The following PCDH17 variants were observed in gnomAD, a reference collection of about 807,000 sequenced individuals.
The protein encoded by PCDH17 is protocadherin-17.
In PCDH17, 21 loss-of-function variants were observed where a neutral mutation model predicts 67.7. The ratio of observed to expected loss-of-function variants is 0.31; its 90% CI spans 0.22 to 0.45. The LOEUF is 0.45. Among genes scored for constraint, PCDH17 ranks in the 20% least tolerant of loss-of-function variants. The pLI, the probability that PCDH17 is intolerant of heterozygous loss-of-function variation, is 1.00. For missense variants in PCDH17, 1,471 were observed against 1,564.8 expected, an observed-to-expected ratio of 0.94 and a Z score of 1.01; for synonymous variants, 701 against 656.7, an observed-to-expected ratio of 1.07 and a Z score of -1.03.
intron 3 of PCDH17, among the ~76,000 whole-genome samples, chr13:57,680,098 A>G (rs865989521): frequency 6.6e-6 from 1 of 151,144 alleles, no homozygotes; most frequent in Admixed American, 6.6e-5. Flanking sequence ...TCAACTCTCT[A>G]TTGATCTATC....
rs141497852 is a variant in PCDH17 at position 57,678,025 on chromosome 13, T to C, written c.2797+11192T>C. Among the ~76,000 whole-genome samples, 505 of 151,838 alleles carry C rather than the reference T, an allele frequency of 3.3e-3. 2 individuals are homozygous for C. The highest frequency in any genetic ancestry group is 0.012 in the African/African-American group (480 of 41,496). On this transcript the variant is annotated intron_variant, in intron 3 of 3. Transcript: ENST00000377918. ...CTATGGTTAAAGATGATATGTTGTTTTCTTGAAGAATGCAGAGACTGTGGA... is the reference window on the plus strand; with the variant it reads ...CTATGGTTAAAGATGATATGTTGTTCTCTTGAAGAATGCAGAGACTGTGGA...
intron 1 of PCDH17, among the ~76,000 whole-genome samples, chr13:57,660,387 AG>A (rs1023321279): frequency 6.6e-6 from 1 of 152,246 alleles, no homozygotes; most frequent in African/African-American, 2.4e-5. Flanking sequence ...AAATTGGCTC[AG>A]TATCATTTTA....
chr13:57,708,761 TA>T (rs1173511517), intron 3 of PCDH17, among the ~76,000 whole-genome samples: 8 of 151,976 alleles, frequency 5.3e-5, no homozygotes, highest in Non-Finnish European at 1.0e-4. Context: ...AGATGTTGAA[TA>T]AAGGTTGAAT....
intron 3 of PCDH17, among the ~76,000 whole-genome samples, chr13:57,691,620 G>C (rs907834290): frequency 1.3e-5 from 2 of 151,162 alleles, no homozygotes; most frequent in Non-Finnish European, 3.0e-5. Flanking sequence ...GGTACTCATA[G>C]ATGTAGTATG....
intron 3 of PCDH17, among the ~76,000 whole-genome samples, chr13:57,706,972 T>C (rs1352732831): frequency 6.6e-6 from 1 of 152,112 alleles, no homozygotes; most frequent in Non-Finnish European, 1.5e-5. Context: ...TTTTCTCAAT[T>C]TTCATTTTCT....
At chr13:57,669,006 A>T (rs533225137) in intron 3 of PCDH17, among the ~76,000 whole-genome samples, 11 of 151,390 alleles carry the variant, frequency 7.3e-5, no homozygotes, top group African/African-American at 2.7e-4. Flanking sequence ...CCCACCCCAC[A>T]ACAGGCCCCG....
intron 1 of PCDH17, among the ~76,000 whole-genome samples, chr13:57,646,290 G>A (rs1257003189): frequency 1.3e-5 from 2 of 151,640 alleles, no homozygotes; most frequent in East Asian, 3.9e-4. Flanking sequence ...GTCCATTTCA[G>A]TATTGTTATT....
chr13:57,632,439 T>A lies in PCDH17; in HGVS notation c.-108T>A, dbSNP rs1170938771. The A allele has an allele frequency of 3.5e-6, 4 of 1,130,536 alleles. No homozygotes were observed. The highest frequency in any genetic ancestry group is 5.0e-6 in the Non-Finnish European group (4 of 807,020). 70.0% of individuals were successfully genotyped at this position (1,130,536 alleles called of 1,614,324 possible). On this transcript the variant is annotated 5_prime_UTR_variant, in exon 1 of 4. Coordinates refer to ENST00000377918, the MANE Select transcript of PCDH17 (RefSeq NM_001040429.3). ...AGAGGGAAAAAAGGACCCATAGACT[T>A]GTGGCTCGCGTCGCGCGCGCACGCT... is the stretch of plus-strand genomic sequence containing the variant.
chr13:57,670,072 T>C (rs1955301423), intron 3 of PCDH17, among the ~76,000 whole-genome samples: 1 of 152,028 alleles, frequency 6.6e-6, no homozygotes, highest in Non-Finnish European at 1.5e-5. Context: ...ATTCTGTAGT[T>C]ATAAGTAGTG....
intron 1 of PCDH17, 21 bp downstream of exon 1, chr13:57,635,132 C>T (rs766813661): frequency 6.2e-7 from 1 of 1,610,516 alleles, no homozygotes; most frequent in Non-Finnish European, 8.5e-7. Context: ...TTTAGCATAA[C>T]TGGGAGTTCA....
chr13:57,707,909 A>G (rs1955736160), intron 3 of PCDH17, among the ~76,000 whole-genome samples: 1 of 152,026 alleles, frequency 6.6e-6, no homozygotes, highest in Non-Finnish European at 1.5e-5. Context: ...ACTCTATTCC[A>G]GTATGACCTC....
rs1466475075 is a variant in PCDH17, at chr13:57,728,509, A to C, written c.*3215A>C. 5 of 134,632 alleles carry C rather than the reference A, an allele frequency of 3.7e-5. No individual in the cohort carries two copies. Among genetic ancestry groups the C allele is most frequent in the African/African-American group, 1.4e-4 (5 of 35,430 alleles). The allele number at this position is 134,632 out of a possible 1,614,324, so 8.3% of individuals were successfully genotyped here. On this transcript the variant is annotated 3_prime_UTR_variant, in exon 4 of 4. Transcript: ENST00000377918. ...ACCCAAACTTCTAAAAATTGCTTGC[A>C]GATGAGCTAAAAAAAAAAAAAAAAA...
chr13:57,719,238 C>G (rs956322844), intron 3 of PCDH17, among the ~76,000 whole-genome samples: 1 of 151,904 alleles, frequency 6.6e-6, no homozygotes, highest in Non-Finnish European at 1.5e-5. Context: ...GAAATGATAC[C>G]AACTACCACA....
chr13:57,666,627 C>G, intron 2 of PCDH17, 34 bp from the exon 3 acceptor site: 1 of 1,604,164 alleles, frequency 6.2e-7, no homozygotes, highest in South Asian at 1.1e-5. Context: ...GTAGAGACAA[C>G]ACTTTCTCTT....
chr13:57,661,622 GAA>G (rs1385803938), intron 1 of PCDH17, among the ~76,000 whole-genome samples: 1 of 152,042 alleles, frequency 6.6e-6, no homozygotes, highest in Non-Finnish European at 1.5e-5. Flanking sequence ...TTGAGGGAGA[GAA>G]AGAGAGAGAG....
In PCDH17 at chr13:57,671,820, G is replaced by A. The variant is rs140551977; in HGVS notation, c.2797+4987G>A. 8.0e-3 allele frequency among the ~76,000 whole-genome samples: 1,217 copies of A among 152,076 alleles called. 20 individuals are homozygous for A. Among genetic ancestry groups the A allele is most frequent in the African/African-American group, 0.027 (1,127 of 41,542 alleles). On this transcript the variant is annotated intron_variant, in intron 3 of 3. Transcript: ENST00000377918. ...ACAGGAGAATTCTGTTGCAACCTGT[G>A]CCAGAAGTGGCGGTGGGATCATCAC...
intron 1 of PCDH17, among the ~76,000 whole-genome samples, chr13:57,651,490 A>G (rs1028389629): frequency 6.7e-6 from 1 of 148,926 alleles, no homozygotes; most frequent in South Asian, 2.1e-4. Flanking sequence ...GGCATGTGCC[A>G]CCAGGCCTGG....
At chr13:57,680,397 A>C (rs1388985251) in intron 3 of PCDH17, among the ~76,000 whole-genome samples, 2 of 151,690 alleles carry the variant, frequency 1.3e-5, no homozygotes, top group African/African-American at 4.8e-5. Flanking sequence ...AATGGCAAAT[A>C]AATCAAAATA....
Position 57,650,987 on chromosome 13 carries a change from G to A in PCDH17, c.2566-15481G>A, listed in dbSNP as rs142003550. 9.7e-4 allele frequency among the ~76,000 whole-genome samples: 148 copies of A among 152,066 alleles called. 1 individual carries two copies. Among genetic ancestry groups the A allele is most frequent in the Middle Eastern group, 3.4e-3 (1 of 294 alleles). Reference sequence around the variant, plus strand: ...GATATGTTTAATATTGAGGTGTTCCGCTAGTCCCCACTGGAATGGACAATA... The same window carrying A: ...GATATGTTTAATATTGAGGTGTTCCACTAGTCCCCACTGGAATGGACAATA... On this transcript the variant is annotated intron_variant, in intron 1 of 3. Coordinates refer to ENST00000377918, the MANE Select transcript of PCDH17 (RefSeq NM_001040429.3).
Sources: allele counts gnomAD v4.1 joint callset (sites outside exome capture counted in the v4.1 genomes callset), GRCh38; gene constraint gnomAD v4.1.1; transcripts MANE v1.5; gene names NCBI Gene and HGNC (gene_info 2026-07-23, HGNC 2026-07-21).